The following TRMT11 variants were observed in gnomAD, a reference collection of about 807,000 sequenced individuals.
TRMT11 encodes the protein tRNA methyltransferase 11.
In TRMT11, 53 loss-of-function variants were observed where a neutral mutation model predicts 62.8. That is an observed-to-expected ratio of 0.84 (90% CI 0.68 to 1.06). The LOEUF is 1.06. Ranked by LOEUF, TRMT11 falls within the 50% of genes least tolerant of loss-of-function variation. The pLI is 0.00. For synonymous variants in TRMT11, 188 were observed against 190.3 expected, an observed-to-expected ratio of 0.99 and a Z score of 0.10; for missense variants, 556 against 553.4, an observed-to-expected ratio of 1.00 and a Z score of -0.05.
intron 17 of TRMT11, among the ~76,000 whole-genome samples, chr6:126,103,242 A>G (rs1382974890): frequency 6.6e-6 from 1 of 152,154 alleles, no homozygotes; most frequent in African/African-American, 2.4e-5. Context: ...ATATTGTTTA[A>G]TTTTGTTTAA....
chr6:126,252,412 G>A, the TRMT11 span, among the ~76,000 whole-genome samples: 7 of 152,228 alleles, frequency 4.6e-5, no homozygotes, highest in Non-Finnish European at 8.8e-5. Context: ...CTCTAAGAGT[G>A]ACTGTTCTCT....
intron 2 of TRMT11, among the ~76,000 whole-genome samples, chr6:125,995,373 T>C (rs1791335880): frequency 1.3e-5 from 2 of 152,150 alleles, no homozygotes; most frequent in South Asian, 4.2e-4. Context: ...TGGCTGCAGC[T>C]TACCAGTGCC....
intron 17 of TRMT11, among the ~76,000 whole-genome samples, chr6:126,110,827 T>C (rs948195958): frequency 2.6e-5 from 4 of 152,238 alleles, no homozygotes; most frequent in African/African-American, 9.6e-5. Flanking sequence ...TTAACATTTA[T>C]TGCATGCCTA....
intron 17 of TRMT11, among the ~76,000 whole-genome samples, chr6:126,110,675 C>CGTGT (rs137900626): frequency 6.6e-6 from 1 of 151,532 alleles, no homozygotes; most frequent in African/African-American, 2.4e-5. Flanking sequence ...GAAACATGTG[C>CGTGT]GTGTGTGTGT....
chr6:126,085,601 G>T (rs1777207562), intron 17 of TRMT11, among the ~76,000 whole-genome samples: 1 of 152,148 alleles, frequency 6.6e-6, no homozygotes, highest in Non-Finnish European at 1.5e-5. Context: ...TCAGTAAGCT[G>T]CAATAGGCAA....
At chr6:126,212,887 T>G in the TRMT11 span, among the ~76,000 whole-genome samples, 1 of 151,984 alleles carries the variant, frequency 6.6e-6, no homozygotes, top group Non-Finnish European at 1.5e-5. Flanking sequence ...TTTTAAAAAT[T>G]AGTTTCATAG....
At chr6:126,155,682 A>G (rs915859241) in intron 21 of TRMT11, among the ~76,000 whole-genome samples, 2 of 152,224 alleles carry the variant, frequency 1.3e-5, no homozygotes, top group East Asian at 1.9e-4. Context: ...AAGGGACAGT[A>G]GGCTCCATGC....
chr6:126,045,583 T>A (rs1449656718), intron 16 of TRMT11, among the ~76,000 whole-genome samples: 1 of 152,186 alleles, frequency 6.6e-6, no homozygotes, highest in Non-Finnish European at 1.5e-5. Flanking sequence ...CCAGTGATAG[T>A]TACCCAAATG....
chr6:126,190,066 TTTC>T (rs1292541893), intron 1 of TRMT11, among the ~76,000 whole-genome samples: 4 of 152,322 alleles, frequency 2.6e-5, no homozygotes, highest in African/African-American at 4.8e-5. Context: ...AACATTATAA[TTTC>T]TTCTTTTTTA....
rs139023337 is a variant in TRMT11, at chr6:126,011,142, A to G, written c.761-111A>G. The G allele has an allele frequency of 3.0e-5, 27 of 911,934 alleles. No individual in the cohort carries two copies. In the African/African-American group the frequency reaches 3.6e-4, roughly 12 times the overall value. The allele number at this position is 911,934 out of a possible 1,614,324, so 56.5% of individuals were successfully genotyped here. On this transcript the variant is annotated intron_variant, in intron 8 of 12. Coordinates refer to ENST00000334379, the MANE Select transcript of TRMT11 (RefSeq NM_001031712.3). Reference sequence around the variant, plus strand: ...AAAATTAAGATTTTAAATGAAAGCAAATTTTGAATAAATGTAGGTTTCAGT... The same window carrying G: ...AAAATTAAGATTTTAAATGAAAGCAGATTTTGAATAAATGTAGGTTTCAGT...
intron 21 of TRMT11, among the ~76,000 whole-genome samples, chr6:126,118,963 C>T (rs1044453794): frequency 5.9e-5 from 9 of 152,024 alleles, no homozygotes; most frequent in African/African-American, 1.7e-4. Flanking sequence ...ATAAACATTT[C>T]GTTAGCTAGG....
At chr6:126,080,714 C>G (rs112862521) in intron 17 of TRMT11, among the ~76,000 whole-genome samples, 1 of 152,180 alleles carries the variant, frequency 6.6e-6, no homozygotes, top group Non-Finnish European at 1.5e-5. Flanking sequence ...AAACTACTCA[C>G]GGTAGCCCAC....
exon 2 of TRMT11, chr6:126,198,815 T>C (rs1419457275): frequency 6.6e-6 from 1 of 152,198 alleles, no homozygotes. Context: ...GGATTTCTAC[T>C]GTAAATGCTT....
chr6:126,124,595 G>T (rs1194591187), intron 21 of TRMT11, among the ~76,000 whole-genome samples: 1 of 152,032 alleles, frequency 6.6e-6, no homozygotes. Context: ...GCTTCAAAAA[G>T]TGTGCATTTT....
intron 17 of TRMT11, among the ~76,000 whole-genome samples, chr6:126,085,021 T>C (rs1777198794): frequency 6.6e-6 from 1 of 152,138 alleles, no homozygotes; most frequent in Admixed American, 6.5e-5. Flanking sequence ...ATGATGACTA[T>C]AGTTAATAAT....
At chr6:126,117,432 G>T (rs773320774) in intron 21 of TRMT11, among the ~76,000 whole-genome samples, 4 of 152,038 alleles carry the variant, frequency 2.6e-5, no homozygotes, top group Non-Finnish European at 4.4e-5. Flanking sequence ...GTGTCAGAAA[G>T]AATGTCTTTT....
At chr6:126,026,179 A>T (rs1773044574) in intron 12 of TRMT11, among the ~76,000 whole-genome samples, 1 of 152,126 alleles carries the variant, frequency 6.6e-6, no homozygotes, top group Admixed American at 6.5e-5. Context: ...ATTTGACTTT[A>T]TTAATTTCCC....
At chr6:126,203,918 T>TG (rs1164176219), downstream of TRMT11, among the ~76,000 whole-genome samples, 10 of 146,180 alleles carry the variant, frequency 6.8e-5, no homozygotes, top group African/African-American at 2.1e-4. Flanking sequence ...GGATCATCAT[T>TG]TTGTGTGTGT....
chr6:126,149,936 G>A (rs1324852485), intron 21 of TRMT11, among the ~76,000 whole-genome samples: 2 of 152,172 alleles, frequency 1.3e-5, no homozygotes, highest in Non-Finnish European at 2.9e-5. Context: ...TCACTTGGAT[G>A]CTTTTTGTGA....
Sources: allele counts gnomAD v4.1 joint callset (sites outside exome capture counted in the v4.1 genomes callset), GRCh38; gene constraint gnomAD v4.1.1; transcripts MANE v1.5; gene names NCBI Gene and HGNC (gene_info 2026-07-23, HGNC 2026-07-21).